The following AGBL4 variants were observed in gnomAD, a reference collection of about 807,000 sequenced individuals.
AGBL4 encodes cytosolic carboxypeptidase 6.
In AGBL4, 58 loss-of-function variants were observed where a neutral mutation model predicts 66.4. That is an observed-to-expected ratio of 0.87 (90% CI 0.71 to 1.09). The LOEUF (loss-of-function observed/expected upper bound fraction) is 1.09. Among genes scored for constraint, AGBL4 ranks in the 50% least tolerant of loss-of-function variants. The pLI is 0.00. For missense variants in AGBL4, 579 were observed against 631.0 expected, an observed-to-expected ratio of 0.92 and a Z score of 0.88; for synonymous variants, 234 against 222.9, an observed-to-expected ratio of 1.05 and a Z score of -0.44.
chr1:48,692,393 C>T (rs950006298), intron 6 of AGBL4, among the ~76,000 whole-genome samples: 1 of 152,176 alleles, frequency 6.6e-6, no homozygotes, highest in South Asian at 2.1e-4. Context: ...CCCACTTGGA[C>T]CTGCAGGTAA....
chr1:49,647,794 C>T (rs1035099872), intron 3 of AGBL4, among the ~76,000 whole-genome samples: 1 of 151,494 alleles, frequency 6.6e-6, no homozygotes, highest in Non-Finnish European at 1.5e-5. Context: ...TCTTCCTGAC[C>T]CACCTACGAG....
At chr1:49,924,739 CA>C (rs1652594575) in intron 1 of AGBL4, among the ~76,000 whole-genome samples, 1 of 151,968 alleles carries the variant, frequency 6.6e-6, no homozygotes, top group African/African-American at 2.4e-5. Context: ...TACACTGTAA[CA>C]GAAAAAATAG....
intron 6 of AGBL4, among the ~76,000 whole-genome samples, chr1:48,669,189 C>T (rs1646237024): frequency 6.6e-6 from 1 of 152,190 alleles, no homozygotes; most frequent in Non-Finnish European, 1.5e-5. Flanking sequence ...CCACCTTGAG[C>T]CTCAGTTTCC....
At chr1:49,069,660 T>A (rs1644560758) in intron 4 of AGBL4, among the ~76,000 whole-genome samples, 1 of 151,924 alleles carries the variant, frequency 6.6e-6, no homozygotes, top group African/African-American at 2.4e-5. Flanking sequence ...TGAAGTCAGG[T>A]AGCGTGACAC....
At chr1:49,596,816 C>T (rs945922683) in intron 3 of AGBL4, among the ~76,000 whole-genome samples, 4 of 152,092 alleles carry the variant, frequency 2.6e-5, no homozygotes, top group African/African-American at 9.7e-5. Context: ...TCATTAATAC[C>T]AGACTTCTCA....
chr1:49,866,780 C>T (rs936874220), intron 1 of AGBL4, among the ~76,000 whole-genome samples: 1 of 151,868 alleles, frequency 6.6e-6, no homozygotes, highest in East Asian at 1.9e-4. Context: ...AAAAAAAAGA[C>T]TTTCCAACCA....
intron 1 of AGBL4, among the ~76,000 whole-genome samples, chr1:50,011,594 C>G (rs1661538332): frequency 6.6e-6 from 1 of 152,116 alleles, no homozygotes; most frequent in African/African-American, 2.4e-5. Context: ...ATGTTTGTTG[C>G]AGGATTGTTT....
At chr1:49,377,478 A>C (rs965677855) in intron 3 of AGBL4, among the ~76,000 whole-genome samples, 1 of 152,106 alleles carries the variant, frequency 6.6e-6, no homozygotes, top group Admixed American at 6.6e-5. Flanking sequence ...CTTTAAGTAT[A>C]GTGCTCTTTT....
chr1:49,488,168 T>A lies in AGBL4; in HGVS notation c.282+209145A>T, dbSNP rs1647108039. ...TAATATTTTGCCAGCTTCTAATCTT[T>A]AAAAAGAAATAAAAATTGTAAAGTT... On this transcript the variant is annotated intron_variant, in intron 3 of 13. Coordinates refer to ENST00000371839, the MANE Select transcript of AGBL4 (RefSeq NM_032785.4). Among the ~76,000 whole-genome samples the A allele has an allele frequency of 2.0e-5, 3 of 151,942 alleles. No homozygotes were observed. In the South Asian group the frequency reaches 6.2e-4, roughly 32 times the overall value.
chr1:49,555,643 G>A (rs1295140608), intron 3 of AGBL4, among the ~76,000 whole-genome samples: 2 of 150,388 alleles, frequency 1.3e-5, no homozygotes, highest in African/African-American at 4.9e-5. Flanking sequence ...TCTGACAAAG[G>A]GCTAATCTCC....
At chr1:49,687,080 G>T (rs1472707533) in intron 3 of AGBL4, among the ~76,000 whole-genome samples, 1 of 152,168 alleles carries the variant, frequency 6.6e-6, no homozygotes, top group African/African-American at 2.4e-5. Context: ...CACATGCCAG[G>T]CTAAGAAGTT....
chr1:49,336,493 C>T (rs1333158994), intron 3 of AGBL4, among the ~76,000 whole-genome samples: 1 of 152,096 alleles, frequency 6.6e-6, no homozygotes, highest in Admixed American at 6.5e-5. Flanking sequence ...CCCTGGTGGC[C>T]CAGTTAAGTT....
chr1:50,023,138 C>A (rs542365094), intron 1 of AGBL4, among the ~76,000 whole-genome samples: 1 of 152,308 alleles, frequency 6.6e-6, no homozygotes, highest in African/African-American at 2.4e-5. Flanking sequence ...TCCTAAAGGA[C>A]TGGGGCTCCG....
chr1:49,254,970 T>C (rs898319717), intron 3 of AGBL4, among the ~76,000 whole-genome samples: 30 of 152,208 alleles, frequency 2.0e-4, no homozygotes, highest in Non-Finnish European at 3.4e-4. Flanking sequence ...ATGTAGAAGA[T>C]TGAAATTGGA....
At chr1:49,484,733 G>A (rs1446143777) in intron 3 of AGBL4, among the ~76,000 whole-genome samples, 5 of 152,008 alleles carry the variant, frequency 3.3e-5, no homozygotes, top group Admixed American at 3.3e-4. Context: ...TACATTTAAA[G>A]ATAACAAAAA....
At chr1:49,761,024 G>A (rs1031883312) in intron 2 of AGBL4, among the ~76,000 whole-genome samples, 5 of 151,930 alleles carry the variant, frequency 3.3e-5, no homozygotes, top group African/African-American at 4.8e-5. Context: ...CTGTTGGGGG[G>A]TGGGGGTAAT....
intron 2 of AGBL4, among the ~76,000 whole-genome samples, chr1:49,712,288 T>C (rs942127081): frequency 1.3e-5 from 2 of 151,942 alleles, no homozygotes; most frequent in African/African-American, 2.4e-5. Context: ...CCCATAATTT[T>C]GTTAACTATT....
At chr1:48,792,054 G>A (rs1645564867) in intron 6 of AGBL4, among the ~76,000 whole-genome samples, 1 of 152,160 alleles carries the variant, frequency 6.6e-6, no homozygotes, top group African/African-American at 2.4e-5. Flanking sequence ...TGAAATCAAG[G>A]TCTTTGCAGA....
chr1:49,201,902 C>T (rs541737315), intron 4 of AGBL4, among the ~76,000 whole-genome samples: 9 of 151,788 alleles, frequency 5.9e-5, no homozygotes, highest in African/African-American at 1.5e-4. Context: ...CATGTATATA[C>T]GAAATGAGTG....
Sources: allele counts gnomAD v4.1 joint callset (sites outside exome capture counted in the v4.1 genomes callset), GRCh38; gene constraint gnomAD v4.1.1; transcripts MANE v1.5; gene names NCBI Gene and HGNC (gene_info 2026-07-23, HGNC 2026-07-21).